PCDH7: variants seen among roughly 807,000 people sequenced by gnomAD.
PCDH7 encodes protocadherin 7.
Under a neutral mutation model 58.9 loss-of-function variants are expected in PCDH7, and 17 were observed. That is an observed-to-expected ratio of 0.29 (90% CI 0.20 to 0.43). The LOEUF is 0.43. Ranked by LOEUF, PCDH7 falls within the 20% of genes least tolerant of loss-of-function variation. The pLI, the probability that PCDH7 is intolerant of heterozygous loss-of-function variation, is 1.00. For missense variants in PCDH7, 1,274 were observed against 1,441.0 expected, an observed-to-expected ratio of 0.88 and a Z score of 1.88; for synonymous variants, 664 against 616.4, an observed-to-expected ratio of 1.08 and a Z score of -1.14.
chr4:30,865,383 C>T (rs989264523), intron 1 of PCDH7, among the ~76,000 whole-genome samples: 1 of 151,970 alleles, frequency 6.6e-6, no homozygotes, highest in African/African-American at 2.4e-5. Context: ...CTCAGTGGGG[C>T]AGATCCAAAA....
chr4:30,766,932 T>C (rs1720825137), intron 1 of PCDH7, among the ~76,000 whole-genome samples: 1 of 152,184 alleles, frequency 6.6e-6, no homozygotes, highest in African/African-American at 2.4e-5. Context: ...CAAAAAATTT[T>C]AAAAGATGGG....
chr4:30,984,770 T>C (rs968624795), intron 3 of PCDH7, among the ~76,000 whole-genome samples: 7 of 152,136 alleles, frequency 4.6e-5, no homozygotes, highest in African/African-American at 1.7e-4. Flanking sequence ...GTAATTCCAG[T>C]AGAATGTGGC....
rs574579907 is a variant in PCDH7 at position 30,782,488 on chromosome 4, A to G, written c.70+57892A>G. ...AGGTTAAATTAGATAGTTAAATGCA[A>G]TCTTGTAATAAACATTGTAGGAGAG... is the stretch of plus-strand genomic sequence containing the variant. On this transcript the variant is annotated intron_variant, in intron 1 of 3. Transcript: ENST00000509759. Among the ~76,000 whole-genome samples, 4 of 152,312 alleles carry G rather than the reference A, an allele frequency of 2.6e-5. No individual in the cohort carries two copies. The South Asian group carries it at 8.3e-4, about 32-fold the overall frequency.
At chr4:31,035,998 G>C (rs1036059444) in intron 3 of PCDH7, among the ~76,000 whole-genome samples, 1 of 152,090 alleles carries the variant, frequency 6.6e-6, no homozygotes, top group East Asian at 1.9e-4. Context: ...ATGTTGTCTG[G>C]GTTAATATGC....
At chr4:30,968,852 T>C (rs979632964) in intron 3 of PCDH7, among the ~76,000 whole-genome samples, 11 of 152,108 alleles carry the variant, frequency 7.2e-5, no homozygotes, top group African/African-American at 2.7e-4. Flanking sequence ...GAACCATACA[T>C]GTGCCTGTAT....
At chr4:31,136,467 C>A (rs901779681) in intron 3 of PCDH7, among the ~76,000 whole-genome samples, 4 of 152,020 alleles carry the variant, frequency 2.6e-5, no homozygotes, top group African/African-American at 9.7e-5. Context: ...AGGAAGGGCC[C>A]AGGAATGGTA....
At chr4:30,739,466 T>A (rs1386681367) in intron 1 of PCDH7, among the ~76,000 whole-genome samples, 1 of 152,114 alleles carries the variant, frequency 6.6e-6, no homozygotes, top group African/African-American at 2.4e-5. Flanking sequence ...CATCTAAATC[T>A]GTTTTTCAGT....
At position 30,721,322 on chromosome 4, in the gene PCDH7, AGGGGAGAGGACTCG is replaced by A; in HGVS notation, c.-94_-81del. ...CCTCTCGCTCCTTCCTTTCCGGGAG[AGGGGAGAGGACTCG>A]GGGGAGGGCAGGCGGCCGGCCCCGG... On this transcript the variant is annotated 5_prime_UTR_variant, in exon 1 of 2. Transcript: ENST00000361762. This position sits in a 1 kb window ranked among gnomAD's most constrained non-coding sequence, Gnocchi z 6.7. 1 of 1,124,992 alleles carries A rather than the reference AGGGGAGAGGACTCG, an allele frequency of 8.9e-7. No homozygotes were observed. Among genetic ancestry groups the A allele is most frequent in the South Asian group, 1.7e-5 (1 of 57,244 alleles). The allele number at this position is 1,124,992 out of a possible 1,614,324, so 69.7% of individuals were successfully genotyped here.
intron 1 of PCDH7, among the ~76,000 whole-genome samples, chr4:30,745,041 T>C (rs1272114615): frequency 6.6e-6 from 1 of 152,112 alleles, no homozygotes; most frequent in Non-Finnish European, 1.5e-5. Flanking sequence ...ATCGAGGAGA[T>C]TGAAAATAGA....
At chr4:31,128,286 A>G (rs1256571076) in intron 3 of PCDH7, among the ~76,000 whole-genome samples, 2 of 152,066 alleles carry the variant, frequency 1.3e-5, no homozygotes, top group African/African-American at 4.8e-5. Context: ...GCTCAGTTGA[A>G]AAGCACTGAT....
intron 2 of PCDH7, among the ~76,000 whole-genome samples, chr4:30,933,070 A>C (rs1056817108): frequency 1.3e-5 from 2 of 150,764 alleles, no homozygotes; most frequent in Non-Finnish European, 3.0e-5. Flanking sequence ...CTCTGTCGCC[A>C]GGCTGGAGTG....
At chr4:31,074,342 T>C (rs931100551) in intron 3 of PCDH7, among the ~76,000 whole-genome samples, 3 of 151,770 alleles carry the variant, frequency 2.0e-5, no homozygotes, top group African/African-American at 7.3e-5. Flanking sequence ...TTTAGTTGAA[T>C]GGATGAAGAT....
In PCDH7 at chr4:31,027,601, T is replaced by C. The variant is rs552457194; in HGVS notation, c.*7+77386T>C. Among the ~76,000 whole-genome samples the C allele has an allele frequency of 2.6e-5, 4 of 152,114 alleles. No individual in the cohort carries two copies. In the East Asian group the frequency reaches 7.8e-4, roughly 30 times the overall value. On this transcript the variant is annotated intron_variant, in intron 3 of 3. Coordinates refer to the PCDH7 transcript ENST00000509759. ...CCACGCCCAACTAATTTTTGTGTTT[T>C]TAGTAGATATGGGGTTTCACCATGT...
chr4:30,892,894 GC>G (rs981808432), intron 1 of PCDH7, among the ~76,000 whole-genome samples: 33 of 152,062 alleles, frequency 2.2e-4, no homozygotes, highest in African/African-American at 7.7e-4. Flanking sequence ...GTATGTACTG[GC>G]CCCTCCCATC....
At chr4:30,776,227 C>CT (rs1450904681) in intron 1 of PCDH7, 2 of 152,212 alleles carry the variant, frequency 1.3e-5, no homozygotes, top group Non-Finnish European at 2.9e-5. Flanking sequence ...CATTCATTGA[C>CT]TTAAACCAAT....
chr4:30,911,361 GT>G (rs1741740541), intron 1 of PCDH7, among the ~76,000 whole-genome samples: 1 of 136,488 alleles, frequency 7.3e-6, no homozygotes, highest in African/African-American at 2.8e-5. Flanking sequence ...ACATAGCCAT[GT>G]CCATTTATTT....
intron 2 of PCDH7, among the ~76,000 whole-genome samples, chr4:30,938,596 C>G (rs1745648109): frequency 6.6e-6 from 1 of 151,920 alleles, no homozygotes; most frequent in Non-Finnish European, 1.5e-5. Flanking sequence ...ATTATCCTTT[C>G]CAAAAGATTT....
At chr4:30,958,052 T>C (rs1267245485) in intron 3 of PCDH7, among the ~76,000 whole-genome samples, 2 of 152,076 alleles carry the variant, frequency 1.3e-5, no homozygotes, top group Non-Finnish European at 2.9e-5. Context: ...AGGGTATTTA[T>C]AGAAGAGAGG....
chr4:30,881,204 G>A (rs1736925487), intron 1 of PCDH7, among the ~76,000 whole-genome samples: 2 of 151,978 alleles, frequency 1.3e-5, no homozygotes, highest in South Asian at 4.1e-4. Context: ...GCCGTCAGCA[G>A]GTCACCACAG....
Sources: allele counts gnomAD v4.1 joint callset (sites outside exome capture counted in the v4.1 genomes callset), GRCh38; gene constraint gnomAD v4.1.1; non-coding constraint Gnocchi (gnomAD v3.1); transcripts MANE v1.5; gene names NCBI Gene and HGNC (gene_info 2026-07-23, HGNC 2026-07-21).